The following SIGLEC15 variants were observed in gnomAD, a reference collection of about 807,000 sequenced individuals.
SIGLEC15 encodes the protein sialic acid binding Ig like lectin 15.
In SIGLEC15, 31 loss-of-function variants were observed where a neutral mutation model predicts 26.2. The observed-to-expected ratio is 1.18, with a 90% CI of 0.89 to 1.60. The LOEUF is 1.60. Ranked by LOEUF, SIGLEC15 falls within the 40% of genes most tolerant of loss-of-function variation. The pLI, the probability that SIGLEC15 is intolerant of heterozygous loss-of-function variation, is 0.00. For synonymous variants in SIGLEC15, 207 were observed against 221.9 expected (o/e 0.93, Z 0.60); for missense variants, 501 against 488.4 (o/e 1.03, Z -0.24).
chr18:45,839,778 G>T (rs531583911), intron 4 of SIGLEC15, among the ~76,000 whole-genome samples: 1 of 152,194 alleles, frequency 6.6e-6, no homozygotes, highest in South Asian at 2.1e-4. Flanking sequence ...TGCCACTCCT[G>T]CTGTCTCTGA....
At chr18:45,829,724 T>C (rs967424749) in intron 1 of SIGLEC15, among the ~76,000 whole-genome samples, 5 of 152,100 alleles carry the variant, frequency 3.3e-5, no homozygotes, top group African/African-American at 1.2e-4. Context: ...ACTCGTCAGC[T>C]GGTAATGTCA....
rs751934008 is a variant in SIGLEC15 at position 45,839,034 on chromosome 18, C to T, written c.813C>T (p.Leu271=). 3.2e-6 allele frequency: 5 copies of T among 1,568,100 alleles called. No individual in the cohort carries two copies. In the East Asian group the frequency reaches 7.3e-5, roughly 23 times the overall value. Residue 271 remains leucine (L), a synonymous_variant, in exon 4 of 6, where the codon CTC becomes CTT. Coordinates refer to ENST00000389474, the MANE Select transcript of SIGLEC15 (RefSeq NM_213602.3). ...CGGTCGCCCTCCTGCTCGGCGCTCTCGGCTTCAAGGCGCTGCTGCTGCTCG... is the reference window on the plus strand; with the variant it reads ...CGGTCGCCCTCCTGCTCGGCGCTCTTGGCTTCAAGGCGCTGCTGCTGCTCG... ...ASTVALLLGA[L]GFKALLLLGV...
At chr18:45,829,226 G>C in intron 1 of SIGLEC15, 1 of 907,736 alleles carries the variant, frequency 1.1e-6, no homozygotes, top group Non-Finnish European at 1.3e-6. Flanking sequence ...CTGCGGCAGA[G>C]GCATGGGTTA....
chr18:45,839,343 A>T (rs577937861), intron 4 of SIGLEC15, among the ~76,000 whole-genome samples: 1 of 152,300 alleles, frequency 6.6e-6, no homozygotes, highest in South Asian at 2.1e-4. Flanking sequence ...CAGCACAGAG[A>T]TATAGAGACC....
At chr18:45,831,150 T>G (rs2048232035) in intron 1 of SIGLEC15, among the ~76,000 whole-genome samples, 1 of 152,176 alleles carries the variant, frequency 6.6e-6, no homozygotes, top group Non-Finnish European at 1.5e-5. Context: ...CAAAGCAGAA[T>G]GCCTCTTGCG....
chr18:45,840,377 C>T (rs2048315549), intron 5 of SIGLEC15, 136 bp downstream of exon 5: 1 of 984,362 alleles, frequency 1.0e-6, no homozygotes, highest in South Asian at 1.9e-5. Context: ...GCTGGGCCTT[C>T]CTTGCAGCCC....
At position 45,837,734 on chromosome 18, in the gene SIGLEC15, G is replaced by A. The variant is rs920453245; in HGVS notation, c.334G>A (p.Gly112Ser). Residue 112 changes from glycine (G) to serine (S), a missense_variant, in exon 3 of 6, where the codon GGC (glycine) becomes AGC (serine). By Grantham distance (56) the Gly-to-Ser change is moderately conservative (BLOSUM62 0). Transcript: ENST00000389474. ...CTGCCAGACGGCGCTGAGCCTGCACGGCCGCTTCCGGCTGCTGGGCAACCC... is the reference window on the plus strand; with the variant it reads ...CTGCCAGACGGCGCTGAGCCTGCACAGCCGCTTCCGGCTGCTGGGCAACCC... ...ELCQTALSLH[G>S]RFRLLGNPRR... The A allele has an allele frequency of 3.3e-6, 5 of 1,507,000 alleles. No individual in the cohort carries two copies. Among genetic ancestry groups the A allele is most frequent in the African/African-American group, 1.4e-5 (1 of 69,164 alleles). The allele number at this position is 1,507,000 out of a possible 1,614,324, so 93.4% of individuals were successfully genotyped here.
rs1267613191 is a variant in SIGLEC15, at chr18:45,842,212, A to G, written c.*25A>G. The G allele has an allele frequency of 1.2e-6, 2 of 1,612,242 alleles. No homozygotes were observed. The highest frequency in any genetic ancestry group is 3.3e-5 in the Admixed American group (2 of 59,998). On this transcript the variant is annotated 3_prime_UTR_variant, in exon 6 of 6. Transcript: ENST00000389474. ...AGGAGTCCCTCAGCCACCAACATCC[A>G]TTTCAGCACTGTAAAGAACAAAGGC... is the stretch of plus-strand genomic sequence containing the variant.
At chr18:45,832,489 G>A (rs1457058798) in intron 1 of SIGLEC15, among the ~76,000 whole-genome samples, 1 of 151,414 alleles carries the variant, frequency 6.6e-6, no homozygotes, top group African/African-American at 2.4e-5. Context: ...GACGTGCCAG[G>A]CACAGATTGG....
intron 1 of SIGLEC15, 75 bp downstream of exon 1, chr18:45,825,855 C>G (rs939367945): frequency 6.4e-7 from 1 of 1,569,568 alleles, no homozygotes; most frequent in Non-Finnish European, 8.8e-7. Flanking sequence ...TACAGTCTCC[C>G]CTGGAAGGCA....
At chr18:45,839,377 G>C (rs1027187165) in intron 4 of SIGLEC15, among the ~76,000 whole-genome samples, 2 of 152,198 alleles carry the variant, frequency 1.3e-5, no homozygotes, top group Admixed American at 6.5e-5. Context: ...CTCTAGAGCC[G>C]TCCCTTTGCT....
rs767233842 is a variant in SIGLEC15, at chr18:45,837,907, G to A, written c.496+11G>A. 8 of 1,487,116 alleles carry A rather than the reference G, an allele frequency of 5.4e-6. No individual in the cohort carries two copies. The East Asian group carries it at 2.0e-4, about 37-fold the overall frequency. The allele number at this position is 1,487,116 out of a possible 1,614,324, so 92.1% of individuals were successfully genotyped here. A position where few individuals can be genotyped will look rare whatever the true frequency, so the allele number is the denominator to read the frequency against. ...GGCTGCACGTGACAGGCGAGGCGGCGTGGGAGCGGGTCCCCGGCCTCCCTT... is the reference window on the plus strand; with the variant it reads ...GGCTGCACGTGACAGGCGAGGCGGCATGGGAGCGGGTCCCCGGCCTCCCTT... On this transcript the variant is annotated intron_variant, in intron 3 of 5. Coordinates refer to ENST00000389474, the MANE Select transcript of SIGLEC15 (RefSeq NM_213602.3).
Position 45,828,034 on chromosome 18 carries a change from C to T in SIGLEC15, c.52+2254C>T, listed in dbSNP as rs2048200089. ...ACAGTTAGAACCAGGGTGGTCCAGG[C>T]CCCCACTTCCTGACGCTCTTCTGGC... On this transcript the variant is annotated intron_variant, in intron 1 of 5. Coordinates refer to ENST00000389474, the MANE Select transcript of SIGLEC15 (RefSeq NM_213602.3). 2.0e-5 allele frequency among the ~76,000 whole-genome samples: 3 copies of T among 152,196 alleles called. No individual in the cohort carries two copies. The South Asian group carries it at 6.2e-4, about 31-fold the overall frequency.
chr18:45,837,762 G>A lies in SIGLEC15; in HGVS notation c.362G>A (p.Arg121His), dbSNP rs748262593. The change falls in exon 3 of 6, where the codon CGC becomes CAC. Residue 121 changes from arginine (R) to histidine (H), a missense_variant. Transcript: ENST00000389474. ...HGRFRLLGNP[R>H]RNDLSLRVER... ...CGCTTCCGGCTGCTGGGCAACCCGC[G>A]CCGCAACGACCTCTCGCTGCGCGTC... 2 of 1,519,934 alleles carry A rather than the reference G, an allele frequency of 1.3e-6. No individual in the cohort carries two copies. Among genetic ancestry groups the A allele is most frequent in the East Asian group, 5.4e-5 (2 of 37,360 alleles). The allele number at this position is 1,519,934 out of a possible 1,614,324, so 94.2% of individuals were successfully genotyped here. A position where few individuals can be genotyped will look rare whatever the true frequency, so the allele number is the denominator to read the frequency against.
chr18:45,837,729 T>C lies in SIGLEC15; in HGVS notation c.329T>C (p.Leu110Pro), dbSNP rs1348370849. The change falls in exon 3 of 6, where the codon CTG (leucine) becomes CCG (proline). Residue 110 changes from leucine (L) to proline (P), a missense_variant. By Grantham distance (98) the Leu-to-Pro change is moderately conservative. Coordinates refer to ENST00000389474, the MANE Select transcript of SIGLEC15 (RefSeq NM_213602.3). ...GAGCTCTGCCAGACGGCGCTGAGCC[T>C]GCACGGCCGCTTCCGGCTGCTGGGC... is the stretch of plus-strand genomic sequence containing the variant. ...GSELCQTALS[L>P]HGRFRLLGNP... 2 of 1,505,244 alleles carry C rather than the reference T, an allele frequency of 1.3e-6. No homozygotes were observed. Among genetic ancestry groups the C allele is most frequent in the Non-Finnish European group, 1.8e-6 (2 of 1,135,316 alleles). The allele number at this position is 1,505,244 out of a possible 1,614,324, so 93.2% of individuals were successfully genotyped here.
chr18:45,831,016 C>A (rs1173135223), intron 1 of SIGLEC15, among the ~76,000 whole-genome samples: 1 of 152,206 alleles, frequency 6.6e-6, no homozygotes, highest in Admixed American at 6.5e-5. Flanking sequence ...GAGTTATCAA[C>A]TCATGGATGA....
chr18:45,841,407 G>A (rs1340310941), intron 5 of SIGLEC15, among the ~76,000 whole-genome samples: 1 of 152,150 alleles, frequency 6.6e-6, no homozygotes, highest in African/African-American at 2.4e-5. Context: ...GTGGACGGGA[G>A]GAAGGCAGGA....
At chr18:45,841,818 G>A (rs2048327093) in intron 5 of SIGLEC15, among the ~76,000 whole-genome samples, 1 of 152,216 alleles carries the variant, frequency 6.6e-6, no homozygotes, top group Non-Finnish European at 1.5e-5. Flanking sequence ...TTGGGGACCA[G>A]GAGGCCAGGC....
At chr18:45,840,334 A>C in intron 5 of SIGLEC15, 93 bp downstream of exon 5, 1 of 1,418,714 alleles carries the variant, frequency 7.0e-7, no homozygotes, top group Non-Finnish European at 9.7e-7. Context: ...TAAATGGCAA[A>C]GGGCTGGGGC....
Sources: allele counts gnomAD v4.1 joint callset (sites outside exome capture counted in the v4.1 genomes callset), GRCh38; gene constraint gnomAD v4.1.1; transcripts MANE v1.5; gene names NCBI Gene and HGNC (gene_info 2026-07-23, HGNC 2026-07-21).